GNB5: variants seen among roughly 807,000 people sequenced by gnomAD.
The protein encoded by GNB5 is G protein subunit beta 5.
Under a neutral mutation model 55.3 loss-of-function variants are expected in GNB5, and 37 were observed. The ratio of observed to expected loss-of-function variants is 0.67; its 90% CI spans 0.51 to 0.88. GNB5 has a LOEUF of 0.88. Among genes scored for constraint, GNB5 ranks in the 40% least tolerant of loss-of-function variants. GNB5 has a pLI of 0.00. For synonymous variants in GNB5, 219 were observed against 198.5 expected (o/e 1.10, Z -0.87); for missense variants, 476 against 515.3 (o/e 0.92, Z 0.74).
At chr15:52,134,645 G>C (rs2033656269) in intron 8 of GNB5, among the ~76,000 whole-genome samples, 1 of 152,204 alleles carries the variant, frequency 6.6e-6, no homozygotes, top group Non-Finnish European at 1.5e-5. Context: ...GAAAATCAGG[G>C]TCCCTGCTAA....
intron 6 of GNB5, among the ~76,000 whole-genome samples, chr15:52,145,454 A>C (rs1056023365): frequency 2.6e-5 from 4 of 151,332 alleles, no homozygotes; most frequent in Admixed American, 6.7e-5. Context: ...ACCCTGGCCA[A>C]CATGGTAAAA....
chr15:52,169,009 T>C (rs929401031), intron 3 of GNB5, among the ~76,000 whole-genome samples: 1 of 152,242 alleles, frequency 6.6e-6, no homozygotes, highest in South Asian at 2.1e-4. Context: ...CCCCAAACTA[T>C]AAAAACCCTA....
intron 3 of GNB5, among the ~76,000 whole-genome samples, chr15:52,155,607 T>C (rs1009088781): frequency 3.3e-5 from 5 of 152,264 alleles, no homozygotes; most frequent in African/African-American, 1.2e-4. Context: ...GATCATAGAT[T>C]GCATTCAGTT....
Position 52,169,095 on chromosome 15 carries a change from G to A in GNB5, c.238+10673C>T, listed in dbSNP as rs187233381. ...TCCCAGCATTTTGGGAGGCCAGTGTGGACGAATCACTTGAGGTTAGGAGTT... is the reference window on the plus strand; with the variant it reads ...TCCCAGCATTTTGGGAGGCCAGTGTAGACGAATCACTTGAGGTTAGGAGTT... On this transcript the variant is annotated intron_variant, in intron 3 of 12. Coordinates refer to ENST00000261837, the MANE Select transcript of GNB5 (RefSeq NM_016194.4). Among the ~76,000 whole-genome samples the A allele has an allele frequency of 9.8e-4, 149 of 152,312 alleles. 1 individual carries two copies. The highest frequency in any genetic ancestry group is 1.5e-3 in the Non-Finnish European group (99 of 68,032).
intron 5 of GNB5, among the ~76,000 whole-genome samples, chr15:52,148,859 T>A (rs572183864): frequency 6.6e-6 from 1 of 152,320 alleles, no homozygotes; most frequent in African/African-American, 2.4e-5. Flanking sequence ...CCAGGCCCCT[T>A]TCCTCACAAG....
At chr15:52,170,824 G>C (rs2034540647) in intron 3 of GNB5, among the ~76,000 whole-genome samples, 1 of 151,986 alleles carries the variant, frequency 6.6e-6, no homozygotes, top group South Asian at 2.1e-4. Context: ...AAATTCATGA[G>C]GCTGGGCGTG....
At chr15:52,169,719 A>G (rs1016336483) in intron 3 of GNB5, among the ~76,000 whole-genome samples, 2 of 152,114 alleles carry the variant, frequency 1.3e-5, no homozygotes, top group Admixed American at 6.6e-5. Context: ...AAATTGATAA[A>G]TGGGATCTAA....
chr15:52,135,900 C>G (rs2033695816), intron 7 of GNB5, 144 bp from the exon 8 acceptor site: 2 of 652,816 alleles, frequency 3.1e-6, no homozygotes, highest in Non-Finnish European at 5.1e-6. Flanking sequence ...CACACCCTAC[C>G]TGCTGTATCT....
chr15:52,166,350 T>A (rs1337648100), intron 3 of GNB5, among the ~76,000 whole-genome samples: 1 of 152,178 alleles, frequency 6.6e-6, no homozygotes. Context: ...ACCTGACAGA[T>A]ATCTACAGAA....
chr15:52,129,988 T>C (rs1016776820), intron 9 of GNB5, among the ~76,000 whole-genome samples: 2 of 152,202 alleles, frequency 1.3e-5, no homozygotes, highest in Admixed American at 6.5e-5. Context: ...GATGTGGCCA[T>C]GTGATCATGT....
intron 3 of GNB5, among the ~76,000 whole-genome samples, chr15:52,154,417 C>T (rs2034165797): frequency 6.6e-6 from 1 of 152,194 alleles, no homozygotes; most frequent in Non-Finnish European, 1.5e-5. Flanking sequence ...GGCCACAGCT[C>T]TAAGAGGAGG....
intron 6 of GNB5, among the ~76,000 whole-genome samples, chr15:52,142,709 G>A (rs1482690750): frequency 6.6e-6 from 1 of 152,020 alleles, no homozygotes; most frequent in Non-Finnish European, 1.5e-5. Context: ...CTTTCTTTTT[G>A]TAGGGAACAA....
intron 7 of GNB5, among the ~76,000 whole-genome samples, chr15:52,136,573 G>C (rs2033729506): frequency 1.3e-5 from 2 of 152,198 alleles, no homozygotes; most frequent in Non-Finnish European, 2.9e-5. Context: ...CAGGGGTCTA[G>C]GCAGCATCTT....
intron 7 of GNB5, chr15:52,138,985 T>G (rs1168443795): frequency 6.6e-6 from 1 of 152,214 alleles, no homozygotes; most frequent in Non-Finnish European, 1.5e-5. Context: ...TGTTCTGGAA[T>G]GCAGAGAATT....
chr15:52,184,295 TG>T (rs2034814303), intron 2 of GNB5, among the ~76,000 whole-genome samples: 1 of 152,132 alleles, frequency 6.6e-6, no homozygotes, highest in Non-Finnish European at 1.5e-5. Flanking sequence ...TATTTGCAGA[TG>T]GGAAAAACAG....
rs947354854 is a variant in GNB5 at position 52,117,489 on chromosome 15, C to A, written c.*5268G>T. On this transcript the variant is annotated 3_prime_UTR_variant, in exon 13 of 13. Transcript: ENST00000261837. ...ATTTGATTCCATTAACCAACTCCTCCCCACCCCCTGCTGCATCCTTTTTCT... is the reference window on the plus strand; with the variant it reads ...ATTTGATTCCATTAACCAACTCCTCACCACCCCCTGCTGCATCCTTTTTCT... The A allele has an allele frequency of 6.6e-6, 1 of 152,260 alleles. No homozygotes were observed. Among genetic ancestry groups the A allele is most frequent in the African/African-American group, 2.4e-5 (1 of 41,448 alleles). 9.4% of individuals were successfully genotyped at this position (152,260 alleles called of 1,614,324 possible). A position where few individuals can be genotyped will look rare whatever the true frequency, so the allele number is the denominator to read the frequency against.
At chr15:52,175,114 G>A (rs1006756339) in intron 3 of GNB5, among the ~76,000 whole-genome samples, 9 of 152,080 alleles carry the variant, frequency 5.9e-5, no homozygotes, top group Non-Finnish European at 1.3e-4. Flanking sequence ...TAGGGTCCCA[G>A]GCAAACTGGG....
chr15:52,129,050 G>A (rs1459449873), intron 9 of GNB5, among the ~76,000 whole-genome samples: 2 of 150,708 alleles, frequency 1.3e-5, no homozygotes, highest in Non-Finnish European at 2.9e-5. Flanking sequence ...CCACCTCCTA[G>A]GTTCAAGCGA....
At chr15:52,151,416 G>A (rs1473581119) in intron 4 of GNB5, among the ~76,000 whole-genome samples, 2 of 152,196 alleles carry the variant, frequency 1.3e-5, no homozygotes, top group African/African-American at 4.8e-5. Flanking sequence ...TCCTCGGTGA[G>A]CACAGATTTA....
Sources: allele counts gnomAD v4.1 joint callset (sites outside exome capture counted in the v4.1 genomes callset), GRCh38; gene constraint gnomAD v4.1.1; transcripts MANE v1.5; gene names NCBI Gene and HGNC (gene_info 2026-07-23, HGNC 2026-07-21).